Variants in GRM5 observed in about 807,000 individuals in gnomAD.
GRM5 encodes glutamate metabotropic receptor 5.
A neutral mutation model predicts 83.1 loss-of-function variants in GRM5; 19 were observed. That is an observed-to-expected ratio of 0.23 (90% CI 0.16 to 0.34). The LOEUF is 0.34. Among genes scored for constraint, GRM5 ranks in the 10% least tolerant of loss-of-function variants. The probability of loss-of-function intolerance (pLI) is 1.00; values close to 1 mark genes in which losing one functional copy is unlikely to be tolerated. For synonymous variants in GRM5, 675 were observed against 633.6 expected (o/e 1.07, Z -0.98); for missense variants, 1,160 against 1,588.3 (o/e 0.73, Z 4.58).
At chr11:88,697,469 A>T (rs1940930452) in intron 3 of GRM5, among the ~76,000 whole-genome samples, 1 of 152,188 alleles carries the variant, frequency 6.6e-6, no homozygotes, top group Non-Finnish European at 1.5e-5. Flanking sequence ...AAATACTACA[A>T]ATGGATACCT....
chr11:88,853,048 A>C (rs1332081022), intron 2 of GRM5, among the ~76,000 whole-genome samples: 1 of 152,164 alleles, frequency 6.6e-6, no homozygotes, highest in African/African-American at 2.4e-5. Flanking sequence ...TGTGGTATAA[A>C]ATATGAAACT....
chr11:88,882,608 C>A (rs915758495), intron 2 of GRM5, among the ~76,000 whole-genome samples: 2 of 151,360 alleles, frequency 1.3e-5, no homozygotes, highest in African/African-American at 4.9e-5. Context: ...TCTCATTCAG[C>A]CCCTTGTAAA....
At chr11:88,553,445 CA>C (rs1489730584) in intron 8 of GRM5, among the ~76,000 whole-genome samples, 7 of 152,122 alleles carry the variant, frequency 4.6e-5, no homozygotes, top group Admixed American at 2.0e-4. Context: ...GCCTTTTCTG[CA>C]TTGTCATAAT....
At chr11:88,811,054 T>C (rs955063146) in intron 3 of GRM5, among the ~76,000 whole-genome samples, 2 of 152,174 alleles carry the variant, frequency 1.3e-5, no homozygotes, top group African/African-American at 4.8e-5. Context: ...TCTAATATTC[T>C]AAGTTCCCTC....
At chr11:88,992,371 G>A (rs1414521594) in intron 2 of GRM5, among the ~76,000 whole-genome samples, 1 of 151,822 alleles carries the variant, frequency 6.6e-6, no homozygotes, top group Non-Finnish European at 1.5e-5. Flanking sequence ...GAAACAGCAG[G>A]TGCTGGAGAG....
At chr11:88,798,873 T>C (rs903892025) in intron 3 of GRM5, among the ~76,000 whole-genome samples, 1 of 148,256 alleles carries the variant, frequency 6.7e-6, no homozygotes, top group Admixed American at 6.7e-5. Flanking sequence ...GCTTATTTTA[T>C]ATGACAATCC....
chr11:88,661,845 A>C (rs1939914175), intron 3 of GRM5, among the ~76,000 whole-genome samples: 1 of 152,068 alleles, frequency 6.6e-6, no homozygotes, highest in South Asian at 2.1e-4. Flanking sequence ...CTGGCTTTGA[A>C]ATTTTAAATT....
intron 2 of GRM5, among the ~76,000 whole-genome samples, chr11:88,958,754 A>G (rs1290074721): frequency 2.6e-5 from 4 of 152,168 alleles, no homozygotes; most frequent in Non-Finnish European, 5.9e-5. Context: ...ATCCACTGGT[A>G]TTTACTATAT....
intron 2 of GRM5, among the ~76,000 whole-genome samples, chr11:88,877,588 G>A (rs1473178775): frequency 6.6e-6 from 1 of 151,998 alleles, no homozygotes; most frequent in African/African-American, 2.4e-5. Flanking sequence ...CAAAGCAGAT[G>A]TATGGATGTA....
At chr11:88,853,828 G>C (rs1944426779) in intron 2 of GRM5, among the ~76,000 whole-genome samples, 1 of 151,368 alleles carries the variant, frequency 6.6e-6, no homozygotes, top group South Asian at 2.1e-4. Context: ...AAAATTCACA[G>C]AAGTTCTTTA....
rs185736777 is a variant in GRM5, at chr11:88,891,222, C to T, written c.662-41067G>A. ...ATTGGGGTTAACATTAATAAATTAACGCAAAGGTAAAATTTGGCTTTGAGC... is the reference window on the plus strand; with the variant it reads ...ATTGGGGTTAACATTAATAAATTAATGCAAAGGTAAAATTTGGCTTTGAGC... On this transcript the variant is annotated intron_variant, in intron 2 of 9. Transcript: ENST00000305447. 6.1e-4 allele frequency among the ~76,000 whole-genome samples: 93 copies of T among 152,102 alleles called. 1 individual carries two copies. Among genetic ancestry groups the T allele is most frequent in the Admixed American group, 3.7e-3 (57 of 15,248 alleles).
intron 3 of GRM5, among the ~76,000 whole-genome samples, chr11:88,662,617 A>T (rs1939936736): frequency 6.6e-6 from 1 of 152,166 alleles, no homozygotes; most frequent in Admixed American, 6.6e-5. Flanking sequence ...TATAAATCTG[A>T]TCTAACTAGG....
intron 3 of GRM5, among the ~76,000 whole-genome samples, chr11:88,658,001 C>T (rs1196031015): frequency 6.6e-6 from 1 of 151,958 alleles, no homozygotes; most frequent in African/African-American, 2.4e-5. Context: ...GTCCCCAAAC[C>T]CCAGGTTTCA....
At chr11:88,745,971 A>G (rs544853645) in intron 3 of GRM5, among the ~76,000 whole-genome samples, 1 of 152,304 alleles carries the variant, frequency 6.6e-6, no homozygotes, top group Admixed American at 6.5e-5. Context: ...AAACGAACCT[A>G]AGATCACATA....
chr11:88,948,191 C>T (rs608783), intron 2 of GRM5, among the ~76,000 whole-genome samples: 67,637 of 152,032 alleles, frequency 0.44, 15,562 homozygotes, highest in African/African-American at 0.54. Context: ...AGCTGCTTTT[C>T]TGTATGTTAA....
chr11:88,925,590 C>G (rs1310144336), intron 2 of GRM5, among the ~76,000 whole-genome samples: 1 of 152,046 alleles, frequency 6.6e-6, no homozygotes, highest in African/African-American at 2.4e-5. Flanking sequence ...ACCTAAAAAT[C>G]AAAAAGCACC....
chr11:89,016,733 G>A (rs1042139173), intron 2 of GRM5, among the ~76,000 whole-genome samples: 7 of 152,052 alleles, frequency 4.6e-5, no homozygotes, highest in Admixed American at 3.3e-4. Flanking sequence ...CTTTTGTGAG[G>A]CCAAGTCAAT....
chr11:88,922,125 T>C (rs916631448), intron 2 of GRM5, among the ~76,000 whole-genome samples: 3 of 152,172 alleles, frequency 2.0e-5, no homozygotes, highest in Non-Finnish European at 2.9e-5. Flanking sequence ...TATTTATGGA[T>C]TGGAAGATTT....
At chr11:89,013,433 G>C (rs1031872250) in intron 2 of GRM5, among the ~76,000 whole-genome samples, 4 of 152,258 alleles carry the variant, frequency 2.6e-5, no homozygotes, top group African/African-American at 9.6e-5. Context: ...TGTATGGCTT[G>C]AATCAAGCTG....
Sources: gnomAD v4.1 joint callset for allele counts (sites outside exome capture counted in the v4.1 genomes callset) on GRCh38, gnomAD v4.1.1 for gene constraint, MANE v1.5 for transcripts, NCBI Gene and HGNC (gene_info 2026-07-23, HGNC 2026-07-21) for gene names.